WDFY4: variants seen among roughly 807,000 people sequenced by gnomAD.
The protein encoded by WDFY4 is WDFY family member 4, also known as WD repeat- and FYVE domain-containing protein 4.
In WDFY4, 169 loss-of-function variants were observed where a neutral mutation model predicts 351.9. The observed-to-expected ratio is 0.48, with a 90% CI of 0.42 to 0.55. WDFY4 has a LOEUF of 0.55. Ranked by LOEUF, WDFY4 falls within the 20% of genes least tolerant of loss-of-function variation. WDFY4 has a pLI of 0.00. For missense variants in WDFY4, 3,803 were observed against 3,935.6 expected (o/e 0.97, Z 0.90); for synonymous variants, 1,622 against 1,574.6 (o/e 1.03, Z -0.71).
Position 48,959,963 on chromosome 10 carries a change from T to C in WDFY4, c.8223+150T>C, listed in dbSNP as rs1197721308. The C allele has an allele frequency of 1.3e-5, 9 of 719,790 alleles. No individual in the cohort carries two copies. In the Admixed American group the frequency reaches 2.9e-4, roughly 23 times the overall value. 44.6% of individuals were successfully genotyped at this position (719,790 alleles called of 1,614,324 possible). A position where few individuals can be genotyped will look rare whatever the true frequency, so the allele number is the denominator to read the frequency against. Reference sequence around the variant, plus strand: ...CAGAGAAGGGATGGGGTCTATACCTTAGGTTGGCAAGGAAAGGCTTGAGCT... The same window carrying C: ...CAGAGAAGGGATGGGGTCTATACCTCAGGTTGGCAAGGAAAGGCTTGAGCT... On this transcript the variant is annotated intron_variant, in intron 53 of 61. Coordinates refer to ENST00000325239, the MANE Select transcript of WDFY4 (RefSeq NM_001394531.1).
intron 24 of WDFY4, among the ~76,000 whole-genome samples, chr10:48,799,602 G>C (rs1204192714): frequency 6.6e-6 from 1 of 152,094 alleles, no homozygotes; most frequent in Non-Finnish European, 1.5e-5. Flanking sequence ...GTGAAACCCT[G>C]TCTCTACTAA....
intron 1 of WDFY4, 52 bp from the exon 2 acceptor site, chr10:48,709,664 C>A: frequency 6.8e-7 from 1 of 1,470,044 alleles, no homozygotes; most frequent in Non-Finnish European, 9.3e-7. Flanking sequence ...CAGCCAGAAT[C>A]ATCAGGAAGT....
intron 13 of WDFY4, among the ~76,000 whole-genome samples, chr10:48,767,844 G>C (rs1209394579): frequency 6.6e-6 from 1 of 152,148 alleles, no homozygotes; most frequent in East Asian, 1.9e-4. Context: ...TTGGGGGTGG[G>C]TGAGCTTAGC....
At chr10:48,911,423 G>A (rs796157589) in intron 47 of WDFY4, among the ~76,000 whole-genome samples, 15 of 152,256 alleles carry the variant, frequency 9.9e-5, no homozygotes, top group African/African-American at 3.6e-4. Context: ...CAATAATGAG[G>A]CTATGCCAAG....
At chr10:48,728,793 G>A (rs1470703258) in intron 7 of WDFY4, among the ~76,000 whole-genome samples, 1 of 152,218 alleles carries the variant, frequency 6.6e-6, no homozygotes, top group African/African-American at 2.4e-5. Flanking sequence ...TGGTTCATTG[G>A]GTGTTGAGTT....
intron 19 of WDFY4, among the ~76,000 whole-genome samples, chr10:48,781,076 C>T (rs1589592449): frequency 6.6e-6 from 1 of 152,044 alleles, no homozygotes; most frequent in Non-Finnish European, 1.5e-5. Context: ...CCAAATATAC[C>T]CTGGGGGTCA....
intron 42 of WDFY4, 61 bp downstream of exon 42, chr10:48,875,201 T>G (rs952378348): frequency 6.3e-5 from 62 of 986,972 alleles, no homozygotes; most frequent in Non-Finnish European, 8.2e-5. Context: ...TTATTTAATA[T>G]TTTATTAAAG....
intron 9 of WDFY4, 144 bp downstream of exon 9, chr10:48,731,706 C>T (rs1018737761): frequency 9.4e-7 from 1 of 1,058,236 alleles, no homozygotes; most frequent in Middle Eastern, 3.2e-4. Context: ...CACACAGTTT[C>T]ACAAAAGACA....
chr10:48,975,191 C>T (rs1165460694), intron 58 of WDFY4, 150 bp downstream of exon 58: 2 of 986,214 alleles, frequency 2.0e-6, no homozygotes, highest in South Asian at 2.9e-5. Context: ...CTGTAGATCT[C>T]ACTTGTAGCA....
At chr10:48,946,504 G>C (rs1841049539) in intron 50 of WDFY4, among the ~76,000 whole-genome samples, 1 of 152,258 alleles carries the variant, frequency 6.6e-6, no homozygotes, top group African/African-American at 2.4e-5. Flanking sequence ...TCTCTGCCAG[G>C]GGCAGGCCAG....
intron 51 of WDFY4, among the ~76,000 whole-genome samples, chr10:48,950,410 C>T (rs1841266256): frequency 6.6e-6 from 1 of 152,196 alleles, no homozygotes; most frequent in South Asian, 2.1e-4. Flanking sequence ...TATTTGTAGA[C>T]CACATGTTGT....
chr10:48,790,589 G>T (rs964159986), intron 22 of WDFY4, 138 bp from the exon 23 acceptor site: 18 of 939,320 alleles, frequency 1.9e-5, no homozygotes, highest in Non-Finnish European at 2.7e-5. Context: ...CCCCCAGCCT[G>T]TCCCAGGTGC....
intron 7 of WDFY4, among the ~76,000 whole-genome samples, chr10:48,728,419 T>C (rs1285614365): frequency 6.6e-6 from 1 of 152,220 alleles, no homozygotes; most frequent in Non-Finnish European, 1.5e-5. Flanking sequence ...CCCAAGCTCC[T>C]CTGCTGATCT....
At chr10:48,792,501 T>C (rs76340892) in intron 23 of WDFY4, among the ~76,000 whole-genome samples, 8,767 of 152,304 alleles carry the variant, frequency 0.058, 589 homozygotes, top group East Asian at 0.34. Context: ...ATGCTAAAAC[T>C]CAAGAATTGG....
chr10:48,795,017 AT>A (rs2132778287), intron 23 of WDFY4, among the ~76,000 whole-genome samples: 1 of 152,274 alleles, frequency 6.6e-6, no homozygotes, highest in South Asian at 2.1e-4. Flanking sequence ...AAATACTAGA[AT>A]ATATTTGTAC....
At chr10:48,853,227 G>T (rs561272501) in intron 39 of WDFY4, among the ~76,000 whole-genome samples, 1 of 152,074 alleles carries the variant, frequency 6.6e-6, no homozygotes, top group Non-Finnish European at 1.5e-5. Flanking sequence ...TCTGTCGCCT[G>T]GTTGCTAATG....
Position 48,727,511 on chromosome 10 carries a change from C to T in WDFY4, c.823C>T (p.Leu275Phe), listed in dbSNP as rs1443044404. The T allele has an allele frequency of 6.4e-6, 10 of 1,551,680 alleles. No individual in the cohort carries two copies. The highest frequency in any genetic ancestry group is 8.7e-6 in the Non-Finnish European group (10 of 1,147,016). ...VRLSLQNLSR[L>F]TDTLPAPEVS... ...GCTCTCCCTCCAGAACCTCTCCAGG[C>T]TCACGGACACTCTCCCTGCCCCTGA... The change falls in exon 7 of 62, where the codon CTC becomes TTC. Residue 275 changes from leucine (L) to phenylalanine (F), a missense_variant. Coordinates refer to ENST00000325239, the MANE Select transcript of WDFY4 (RefSeq NM_001394531.1).
chr10:48,766,090 G>A (rs1234275709), intron 13 of WDFY4, among the ~76,000 whole-genome samples: 6 of 152,236 alleles, frequency 3.9e-5, no homozygotes, highest in Non-Finnish European at 7.3e-5. Flanking sequence ...TATTTGAAAA[G>A]AGCCATTTCC....
intron 25 of WDFY4, 30 bp from the exon 26 acceptor site, chr10:48,805,230 C>T: frequency 6.5e-7 from 1 of 1,526,764 alleles, no homozygotes; most frequent in Non-Finnish European, 8.8e-7. Flanking sequence ...CCAGTAAAAG[C>T]TTTTACTGTC....
Sources: gnomAD v4.1 joint callset for allele counts (sites outside exome capture counted in the v4.1 genomes callset) on GRCh38, gnomAD v4.1.1 for gene constraint, MANE v1.5 for transcripts, NCBI Gene and HGNC (gene_info 2026-07-23, HGNC 2026-07-21) for gene names.